The following RANBP2 variants were observed in gnomAD, a reference collection of about 807,000 sequenced individuals.
The protein encoded by RANBP2 is E3 SUMO-protein ligase RanBP2.
In RANBP2, 57 loss-of-function variants were observed where a neutral mutation model predicts 303.6. The observed-to-expected ratio is 0.19, with a 90% CI of 0.15 to 0.23. The LOEUF is 0.23. Ranked by LOEUF, RANBP2 falls within the 10% of genes least tolerant of loss-of-function variation. RANBP2 has a pLI of 1.00. For synonymous variants in RANBP2, 1,167 were observed against 1,301.5 expected (o/e 0.90, Z 2.23); for missense variants, 3,138 against 3,780.8 (o/e 0.83, Z 4.46).
the RANBP2 span, among the ~76,000 whole-genome samples, chr2:109,436,437 T>C: frequency 6.6e-6 from 1 of 152,194 alleles, no homozygotes; most frequent in Admixed American, 6.5e-5. Context: ...GTGTGTGCCC[T>C]TTCCCAGCAG....
chr2:109,417,388 C>G, the RANBP2 span, among the ~76,000 whole-genome samples: 1 of 152,184 alleles, frequency 6.6e-6, no homozygotes. Flanking sequence ...TTCCCTGTCT[C>G]CCTTCATGGA....
chr2:109,015,118 C>CAAAAAAAAAAAAAAAAA, the RANBP2 span, among the ~76,000 whole-genome samples: 4 of 68,812 alleles, frequency 5.8e-5, no homozygotes, highest in East Asian at 8.8e-4. Flanking sequence ...GACTCCATCT[C>CAAAAAAAAAAAAAAAAA]AAAAAAAAAA....
the RANBP2 span, among the ~76,000 whole-genome samples, chr2:109,308,178 G>C: frequency 3.7e-5 from 5 of 136,866 alleles, no homozygotes; most frequent in South Asian, 1.1e-3. Context: ...GGCCAGTGAT[G>C]ATGAGCATTT....
the RANBP2 span, among the ~76,000 whole-genome samples, chr2:108,846,225 T>C: frequency 6.6e-6 from 1 of 152,192 alleles, no homozygotes; most frequent in Non-Finnish European, 1.5e-5. Flanking sequence ...GTCAGAAATA[T>C]AGCATGATCT....
the RANBP2 span, among the ~76,000 whole-genome samples, chr2:109,589,219 C>T: frequency 2.6e-5 from 4 of 151,928 alleles, no homozygotes; most frequent in East Asian, 1.9e-4. Context: ...CTTGGCACAC[C>T]GCAACCTCCA....
chr2:108,886,708 G>A, the RANBP2 span, among the ~76,000 whole-genome samples: 21,639 of 147,766 alleles, frequency 0.15, 2,655 homozygotes, highest in African/African-American at 0.34. Flanking sequence ...CACCATGCCC[G>A]GCCCCCTTTG....
At chr2:108,866,323 CTAATT>C in the RANBP2 span, among the ~76,000 whole-genome samples, 1 of 152,194 alleles carries the variant, frequency 6.6e-6, no homozygotes, top group Admixed American at 6.5e-5. Flanking sequence ...CTCAGTATCT[CTAATT>C]TAATCACATC....
the RANBP2 span, among the ~76,000 whole-genome samples, chr2:109,109,684 C>G: frequency 6.6e-6 from 1 of 152,050 alleles, no homozygotes; most frequent in Non-Finnish European, 1.5e-5. Context: ...CAAAATAAGA[C>G]TTCATAAATG....
chr2:108,720,803 T>C (rs1694173366), intron 1 of RANBP2, among the ~76,000 whole-genome samples: 2 of 152,218 alleles, frequency 1.3e-5, no homozygotes, highest in African/African-American at 2.4e-5. Flanking sequence ...CCCACCACTT[T>C]GGGAGGCCGA....
the RANBP2 span, among the ~76,000 whole-genome samples, chr2:108,970,713 A>T: frequency 6.6e-6 from 1 of 152,096 alleles, no homozygotes; most frequent in Non-Finnish European, 1.5e-5. Flanking sequence ...GAAAGAATAA[A>T]AGCTAAGATG....
chr2:108,790,738 A>G (rs1406245005), downstream of RANBP2, among the ~76,000 whole-genome samples: 2 of 152,050 alleles, frequency 1.3e-5, no homozygotes, highest in Non-Finnish European at 2.9e-5. Context: ...AATAATGTAA[A>G]ATATCTTAAT....
chr2:108,946,886 C>A, the RANBP2 span, among the ~76,000 whole-genome samples: 1 of 135,106 alleles, frequency 7.4e-6, no homozygotes, highest in Non-Finnish European at 1.5e-5. Context: ...TGGTCCCTCC[C>A]AAATCTCATC....
chr2:109,034,949 A>G, the RANBP2 span, among the ~76,000 whole-genome samples: 1 of 152,194 alleles, frequency 6.6e-6, no homozygotes, highest in East Asian at 1.9e-4. Flanking sequence ...ACATTTAAAG[A>G]AAAAAGAAAA....
chr2:109,203,141 C>T, the RANBP2 span, among the ~76,000 whole-genome samples: 1 of 152,154 alleles, frequency 6.6e-6, no homozygotes, highest in Non-Finnish European at 1.5e-5. Context: ...CCTCAGCAGT[C>T]AAGGAGCACT....
At chr2:108,751,133 C>T in intron 9 of RANBP2, 131 bp from the exon 10 acceptor site, 3 of 1,490,262 alleles carry the variant, frequency 2.0e-6, no homozygotes, top group Non-Finnish European at 2.7e-6. Flanking sequence ...ACATAGAATT[C>T]CCTTCAGCTT....
At chr2:108,932,528 CAAAAA>C in the RANBP2 span, among the ~76,000 whole-genome samples, 8 of 39,156 alleles carry the variant, frequency 2.0e-4, no homozygotes, top group African/African-American at 5.0e-4. Flanking sequence ...GACTCTGTCT[CAAAAA>C]AAAAAAAAAA....
At position 108,782,513 on chromosome 2, in the gene RANBP2, T is replaced by C. The variant is rs766174476; in HGVS notation, c.9035-15T>C. The C allele has an allele frequency of 6.2e-7, 1 of 1,614,012 alleles. No individual in the cohort carries two copies. The highest frequency in any genetic ancestry group is 8.5e-7 in the Non-Finnish European group (1 of 1,179,916). On this transcript the variant is annotated splice_polypyrimidine_tract_variant and intron_variant, in intron 27 of 28. Transcript: ENST00000283195. ...TAATACTAAGGTCACTGCTTCCCCT[T>C]TCCCTCCCTGCCAGATGGAGAAGCA...
chr2:109,676,454 C>A, the RANBP2 span, among the ~76,000 whole-genome samples: 4 of 152,222 alleles, frequency 2.6e-5, no homozygotes, highest in Non-Finnish European at 5.9e-5. Context: ...ATCTGCGGGG[C>A]GGGCTGCTCA....
the RANBP2 span, among the ~76,000 whole-genome samples, chr2:109,253,843 A>C: frequency 6.6e-6 from 1 of 152,208 alleles, no homozygotes; most frequent in Admixed American, 6.5e-5. Flanking sequence ...ATAATTGTTC[A>C]GGGAGCAGAA....
Sources: gnomAD v4.1 joint callset for allele counts (sites outside exome capture counted in the v4.1 genomes callset) on GRCh38, gnomAD v4.1.1 for gene constraint, MANE v1.5 for transcripts, NCBI Gene and HGNC (gene_info 2026-07-23, HGNC 2026-07-21) for gene names.